ZNF33A: variants seen among roughly 807,000 people sequenced by gnomAD.
ZNF33A encodes the protein brain my041 protein.
In ZNF33A, 9 loss-of-function variants were observed where a neutral mutation model predicts 15.9. The ratio of observed to expected loss-of-function variants is 0.57; its 90% CI spans 0.34 to 0.99. The LOEUF is 0.99. ZNF33A is among the 50% of genes least tolerant of loss of function. The pLI is 0.02. For missense variants in ZNF33A, 843 were observed against 941.6 expected (o/e 0.90, Z 1.37); for synonymous variants, 294 against 324.2 (o/e 0.91, Z 1.00).
intron 4 of ZNF33A, among the ~76,000 whole-genome samples, chr10:38,038,214 C>T (rs1184895582): frequency 2.0e-5 from 3 of 152,122 alleles, no homozygotes; most frequent in East Asian, 1.9e-4. Flanking sequence ...CTCACTGCGT[C>T]TCAGCCTCCC....
chr10:38,041,007 G>T (rs868235157), intron 4 of ZNF33A, among the ~76,000 whole-genome samples: 36 of 152,318 alleles, frequency 2.4e-4, no homozygotes, highest in African/African-American at 6.7e-4. Flanking sequence ...TTGATCGTAA[G>T]TCAAGGAGCA....
intron 4 of ZNF33A, among the ~76,000 whole-genome samples, chr10:38,044,208 C>CTTTTT (rs35770536): frequency 1.5e-5 from 2 of 136,020 alleles, no homozygotes; most frequent in Non-Finnish European, 3.2e-5. Context: ...TCTTTTCTTT[C>CTTTTT]TTTTTTTTTT....
At chr10:38,013,134 C>T (rs148554244) in intron 2 of ZNF33A, among the ~76,000 whole-genome samples, 245 of 151,962 alleles carry the variant, frequency 1.6e-3, no homozygotes, top group African/African-American at 5.4e-3. Context: ...TTTTTTGAGA[C>T]GGAATCTTGC....
At chr10:38,037,411 C>A (rs2065501065) in intron 4 of ZNF33A, among the ~76,000 whole-genome samples, 1 of 151,808 alleles carries the variant, frequency 6.6e-6, no homozygotes, top group South Asian at 2.1e-4. Flanking sequence ...GCAACCTCTG[C>A]CCCCTGGGTT....
chr10:38,037,592 A>G (rs1173380010), intron 4 of ZNF33A, among the ~76,000 whole-genome samples: 1 of 152,086 alleles, frequency 6.6e-6, no homozygotes, highest in African/African-American at 2.4e-5. Flanking sequence ...CCAAAGTGCT[A>G]GGATTACAGG....
rs191947098 is a variant in ZNF33A, at chr10:38,017,944, A to T, written c.250+558A>T. Among the ~76,000 whole-genome samples, 6 of 152,212 alleles carry T rather than the reference A, an allele frequency of 3.9e-5. No homozygotes were observed. The East Asian group carries it at 1.2e-3, about 29-fold the overall frequency. On this transcript the variant is annotated intron_variant, in intron 4 of 4. Coordinates refer to ENST00000432900, the MANE Select transcript of ZNF33A (RefSeq NM_006954.2). ...ACCCCGTCTGTACTAAAAATACTAAATTAGCTGGGTGTGGTGGCAGGTGCC... is the reference window on the plus strand; with the variant it reads ...ACCCCGTCTGTACTAAAAATACTAATTTAGCTGGGTGTGGTGGCAGGTGCC...
At chr10:38,048,393 T>G (rs1197222310) in intron 4 of ZNF33A, among the ~76,000 whole-genome samples, 5 of 152,148 alleles carry the variant, frequency 3.3e-5, no homozygotes, top group Admixed American at 3.3e-4. Context: ...TATTGGAAGA[T>G]CCATATATGT....
At position 38,055,651 on chromosome 10, in the gene ZNF33A, G is replaced by A. The variant is rs774882165; in HGVS notation, c.1527G>A (p.Lys509=). The A allele has an allele frequency of 4.3e-6, 7 of 1,613,992 alleles. No homozygotes were observed. The highest frequency in any genetic ancestry group is 5.9e-6 in the Non-Finnish European group (7 of 1,179,998). The part of the protein sequence containing the change: ...CNACGKTFYH[K]SLLTRHQIIH... ...CATGTGGGAAAACTTTCTACCACAA[G>A]TCATTACTCACCAGGCATCAGATAA... Residue 509 remains lysine, a synonymous_variant, in exon 5 of 5, where the codon AAG becomes AAA. Transcript: ENST00000432900.
At chr10:38,018,460 A>G (rs1246385766) in intron 4 of ZNF33A, among the ~76,000 whole-genome samples, 2 of 152,222 alleles carry the variant, frequency 1.3e-5, no homozygotes, top group African/African-American at 4.8e-5. Context: ...GAGGTGAGGG[A>G]GACAGCTAGA....
intron 4 of ZNF33A, among the ~76,000 whole-genome samples, chr10:38,032,405 T>C (rs2065251641): frequency 6.6e-6 from 1 of 151,984 alleles, no homozygotes; most frequent in Non-Finnish European, 1.5e-5. Flanking sequence ...AATCAATCAT[T>C]GTTAGTGTAT....
At chr10:38,063,952 C>T (rs1346665571), downstream of ZNF33A, 1 of 710,304 alleles carries the variant, frequency 1.4e-6, no homozygotes, top group Non-Finnish European at 2.3e-6. Flanking sequence ...TATCCACTGC[C>T]TGGTGTCTGT....
intron 4 of ZNF33A, among the ~76,000 whole-genome samples, chr10:38,035,067 A>G (rs2135657961): frequency 6.6e-6 from 1 of 150,492 alleles, no homozygotes; most frequent in South Asian, 2.1e-4. Context: ...ACCATACCCA[A>G]CAGTAAGAAA....
chr10:38,031,010 T>A (rs1466147479), intron 4 of ZNF33A, among the ~76,000 whole-genome samples: 1 of 152,194 alleles, frequency 6.6e-6, no homozygotes, highest in East Asian at 1.9e-4. Flanking sequence ...AGTTACCATG[T>A]GTGGCATCCT....
In ZNF33A at chr10:38,056,418, T is replaced by C. The variant is rs779049345; in HGVS notation, c.2294T>C (p.Ile765Thr). 2 of 1,614,134 alleles carry C rather than the reference T, an allele frequency of 1.2e-6. No individual in the cohort carries two copies. Among genetic ancestry groups the C allele is most frequent in the East Asian group, 2.2e-5 (1 of 44,868 alleles). Residue 765 changes from isoleucine to threonine, a missense_variant, in exon 5 of 5, where the codon ATT becomes ACT. Transcript: ENST00000432900. ...ACTTTCTCTCAAAAGTCAAATCTCATTGTACATCAGAGAAGACATATAGGA... is the reference window on the plus strand; with the variant it reads ...ACTTTCTCTCAAAAGTCAAATCTCACTGTACATCAGAGAAGACATATAGGA... ...RKTFSQKSNL[I>T]VHQRRHIGEN...
downstream of ZNF33A, among the ~76,000 whole-genome samples, chr10:38,062,014 G>C (rs2066660352): frequency 6.6e-6 from 1 of 152,180 alleles, no homozygotes; most frequent in Non-Finnish European, 1.5e-5. Flanking sequence ...GCAATAGCTT[G>C]CAAAGGTTTG....
rs2066352345 is a variant in ZNF33A, at chr10:38,054,416, A to G, written c.292A>G (p.Asn98Asp). Residue 98 changes from asparagine to aspartate, a missense_variant, in exon 5 of 5, where the codon AAC (asparagine) becomes GAC (aspartate). Physicochemically the swap from Asn to Asp is conservative, Grantham distance 23 (BLOSUM62 1). Coordinates refer to ENST00000432900, the MANE Select transcript of ZNF33A (RefSeq NM_006954.2). ...TCACCTGAAAGAGAGGAGCCAAGAA[A>G]ACCAATCTAAACATTTGTGGGAAGT... is the stretch of plus-strand genomic sequence containing the variant. ...ADHLKERSQE[N>D]QSKHLWEVVF... The G allele has an allele frequency of 1.3e-6, 2 of 1,593,334 alleles. No individual in the cohort carries two copies. Among genetic ancestry groups the G allele is most frequent in the Non-Finnish European group, 1.7e-6 (2 of 1,172,404 alleles).
chr10:38,067,197 C>G (rs531452733), downstream of ZNF33A, among the ~76,000 whole-genome samples: 26 of 152,240 alleles, frequency 1.7e-4, no homozygotes, highest in South Asian at 1.9e-3. Context: ...ATGAATACAC[C>G]AGACCACATG....
chr10:38,042,557 TA>T (rs1214495255), intron 4 of ZNF33A, among the ~76,000 whole-genome samples: 1 of 151,888 alleles, frequency 6.6e-6, no homozygotes, highest in Non-Finnish European at 1.5e-5. Context: ...TGTATTTATT[TA>T]TTTTTTTTTT....
At chr10:38,018,306 G>A (rs142243079) in intron 4 of ZNF33A, among the ~76,000 whole-genome samples, 1 of 152,086 alleles carries the variant, frequency 6.6e-6, no homozygotes, top group Non-Finnish European at 1.5e-5. Flanking sequence ...AAATGACTGT[G>A]TGAGCCATGA....
Sources: allele counts gnomAD v4.1 joint callset (sites outside exome capture counted in the v4.1 genomes callset), GRCh38; gene constraint gnomAD v4.1.1; transcripts MANE v1.5; gene names NCBI Gene and HGNC (gene_info 2026-07-23, HGNC 2026-07-21).